PKHD1: variants seen among roughly 807,000 people sequenced by gnomAD.
PKHD1 encodes the protein fibrocystin.
A neutral mutation model predicts 412.0 loss-of-function variants in PKHD1; 291 were observed. That is an observed-to-expected ratio of 0.71 (90% CI 0.64 to 0.78). The LOEUF is 0.78. Among genes scored for constraint, PKHD1 ranks in the 30% least tolerant of loss-of-function variants. The probability of loss-of-function intolerance (pLI) is 0.00; values close to 1 mark genes in which losing one functional copy is unlikely to be tolerated. For synonymous variants in PKHD1, 1,777 were observed against 1,821.5 expected, an observed-to-expected ratio of 0.98 and a Z score of 0.62; for missense variants, 4,825 against 4,950.7, an observed-to-expected ratio of 0.97 and a Z score of 0.76.
intron 35 of PKHD1, chr6:51,975,933 G>A (rs910091449): frequency 1.5e-5 from 2 of 134,854 alleles, no homozygotes; most frequent in Non-Finnish European, 3.1e-5. Flanking sequence ...CACTCCAGCC[G>A]GGATAACATA....
intron 43 of PKHD1, among the ~76,000 whole-genome samples, chr6:51,891,193 A>G (rs1779056959): frequency 6.6e-6 from 1 of 152,156 alleles, no homozygotes; most frequent in African/African-American, 2.4e-5. Context: ...CTATGGCTTC[A>G]GTCATTCTAG....
intron 37 of PKHD1, among the ~76,000 whole-genome samples, chr6:51,913,724 CTTTA>C (rs1284958100): frequency 1.3e-5 from 2 of 152,078 alleles, no homozygotes; most frequent in African/African-American, 4.8e-5. Context: ...AAACTTTCCT[CTTTA>C]TTTATTTGTC....
chr6:52,012,812 A>G (rs531228078), intron 34 of PKHD1, among the ~76,000 whole-genome samples: 2 of 152,348 alleles, frequency 1.3e-5, no homozygotes, highest in East Asian at 3.9e-4. Context: ...CCTATCAGAA[A>G]GGAAATGAAG....
chr6:51,829,311 GAC>G (rs34113133), intron 52 of PKHD1, among the ~76,000 whole-genome samples: 67,292 of 151,690 alleles, frequency 0.44, 15,988 homozygotes, highest in Middle Eastern at 0.62. Flanking sequence ...ACACACAGTG[GAC>G]ACAGTCAACT....
At chr6:52,086,547 G>T (rs921840112) in intron 1 of PKHD1, among the ~76,000 whole-genome samples, 2 of 151,898 alleles carry the variant, frequency 1.3e-5, no homozygotes, top group Non-Finnish European at 2.9e-5. Context: ...CACCTTACGG[G>T]CATGTTCTGA....
chr6:51,735,595 G>T (rs1251715637), intron 60 of PKHD1, among the ~76,000 whole-genome samples: 1 of 152,116 alleles, frequency 6.6e-6, no homozygotes, highest in African/African-American at 2.4e-5. Context: ...GAGAAAACTT[G>T]GATAGAGGGT....
chr6:51,791,065 T>C (rs1419106468), intron 53 of PKHD1, among the ~76,000 whole-genome samples, 171 bp downstream of exon 53: 3 of 152,182 alleles, frequency 2.0e-5, no homozygotes, highest in Non-Finnish European at 4.4e-5. Context: ...AAGCCACCTC[T>C]GACCACATGT....
chr6:51,867,952 A>G lies in PKHD1; in HGVS notation c.7644T>C (p.Ala2548=), dbSNP rs778229519. The G allele has an allele frequency of 6.2e-7, 1 of 1,613,444 alleles. No individual in the cohort carries two copies. The highest frequency in any genetic ancestry group is 2.2e-5 in the East Asian group (1 of 44,880). Residue 2548 remains alanine, a synonymous_variant, in exon 48 of 67, where the codon GCT becomes GCC. Coordinates refer to ENST00000371117, the MANE Select transcript of PKHD1 (RefSeq NM_138694.4). ...HILASMETLS[A]SCLVNSSFGR... ...CAAAGCTTGAATTGACCAAACAAGA[A>G]GCTGAAAGGGTTTCCATAGAAGCAA...
intron 35 of PKHD1, among the ~76,000 whole-genome samples, chr6:51,994,893 C>T (rs1266744185): frequency 6.6e-6 from 1 of 152,040 alleles, no homozygotes; most frequent in East Asian, 1.9e-4. Flanking sequence ...ATGAGGTTTT[C>T]CCCAGACGTG....
intron 60 of PKHD1, among the ~76,000 whole-genome samples, chr6:51,702,600 T>C (rs1779578421): frequency 6.6e-6 from 1 of 151,828 alleles, no homozygotes; most frequent in Non-Finnish European, 1.5e-5. Flanking sequence ...TTCTGAGAAA[T>C]TGGTACAAAT....
At chr6:51,916,374 G>T (rs143638530) in intron 37 of PKHD1, among the ~76,000 whole-genome samples, 8 of 152,196 alleles carry the variant, frequency 5.3e-5, no homozygotes, top group Admixed American at 1.3e-4. Context: ...TGTCAAGTAA[G>T]AAATCTTTGG....
chr6:51,894,790 A>G (rs1483660534), intron 43 of PKHD1, among the ~76,000 whole-genome samples: 1 of 152,204 alleles, frequency 6.6e-6, no homozygotes, highest in Admixed American at 6.5e-5. Flanking sequence ...TTTAATTAAT[A>G]CTATCATACC....
At chr6:51,715,054 C>T (rs1335700238) in intron 60 of PKHD1, among the ~76,000 whole-genome samples, 6 of 152,166 alleles carry the variant, frequency 3.9e-5, no homozygotes, top group South Asian at 4.2e-4. Context: ...AAAAAGTCCA[C>T]TCCGGCAGAG....
chr6:51,984,478 TGTTGTCA>T (rs1795971227), intron 35 of PKHD1, among the ~76,000 whole-genome samples: 1 of 152,250 alleles, frequency 6.6e-6, no homozygotes, highest in Non-Finnish European at 1.5e-5. Context: ...AAAATTTACA[TGTTGTCA>T]GTTTCTACCT....
chr6:51,850,847 G>A (rs893829887), intron 49 of PKHD1, among the ~76,000 whole-genome samples: 3 of 152,140 alleles, frequency 2.0e-5, no homozygotes, highest in Non-Finnish European at 4.4e-5. Context: ...TGCAAAGAGA[G>A]ACAACTTGAC....
chr6:51,961,412 G>A lies in PKHD1; in HGVS notation c.5752-1386C>T, dbSNP rs190942002. 8.7e-4 allele frequency among the ~76,000 whole-genome samples: 132 copies of A among 152,150 alleles called. 1 individual carries two copies. The highest frequency in any genetic ancestry group is 3.4e-3 in the Middle Eastern group (1 of 294). On this transcript the variant is annotated intron_variant, in intron 35 of 66. Coordinates refer to ENST00000371117, the MANE Select transcript of PKHD1 (RefSeq NM_138694.4). ...TATGACTCATCACAATTTAAGAGAT[G>A]GAAGGAAATAAGGCATAGTGATAAC...
intron 59 of PKHD1, among the ~76,000 whole-genome samples, chr6:51,745,226 G>A (rs1001610440): frequency 6.6e-6 from 1 of 152,126 alleles, no homozygotes; most frequent in Non-Finnish European, 1.5e-5. Flanking sequence ...ATAGTACTAT[G>A]ATTTGAATGA....
At chr6:51,723,271 T>C (rs1782154808) in intron 60 of PKHD1, among the ~76,000 whole-genome samples, 1 of 152,170 alleles carries the variant, frequency 6.6e-6, no homozygotes, top group East Asian at 1.9e-4. Flanking sequence ...AAGACTGTAG[T>C]GATGAGTCCC....
At chr6:51,991,983 A>G (rs1438687686) in intron 35 of PKHD1, among the ~76,000 whole-genome samples, 1 of 152,254 alleles carries the variant, frequency 6.6e-6, no homozygotes, top group African/African-American at 2.4e-5. Flanking sequence ...TTATGGGGCA[A>G]GAGTGCCAAA....
Sources: gnomAD v4.1 joint callset for allele counts (sites outside exome capture counted in the v4.1 genomes callset) on GRCh38, gnomAD v4.1.1 for gene constraint, MANE v1.5 for transcripts, NCBI Gene and HGNC (gene_info 2026-07-23, HGNC 2026-07-21) for gene names.